The following HIPK3 variants were observed in gnomAD, a reference collection of about 807,000 sequenced individuals.
The protein encoded by HIPK3 is homeodomain-interacting protein kinase 3.
A neutral mutation model predicts 124.2 loss-of-function variants in HIPK3; 47 were observed. The observed-to-expected ratio is 0.38, with a 90% CI of 0.30 to 0.48. The LOEUF (loss-of-function observed/expected upper bound fraction) is 0.48. HIPK3 is among the 20% of genes least tolerant of loss of function. The probability of loss-of-function intolerance (pLI) is 0.98; values close to 1 mark genes in which losing one functional copy is unlikely to be tolerated. For missense variants in HIPK3, 1,286 were observed against 1,454.3 expected (o/e 0.88, Z 1.88); for synonymous variants, 482 against 515.2 (o/e 0.94, Z 0.87).
chr11:33,339,582 CTG>C, intron 6 of HIPK3, 48 bp downstream of exon 6: 1 of 1,331,146 alleles, frequency 7.5e-7, no homozygotes, highest in Non-Finnish European at 1.0e-6. Context: ...AAAAATAAGT[CTG>C]TAGAAAATGA....
At chr11:33,284,100 A>T (rs957597151) in intron 1 of HIPK3, among the ~76,000 whole-genome samples, 1 of 152,190 alleles carries the variant, frequency 6.6e-6, no homozygotes, top group Non-Finnish European at 1.5e-5. Flanking sequence ...TTTAATATCG[A>T]TATTACAGAT....
At chr11:33,290,548 C>A (rs1851671474) in intron 2 of HIPK3, among the ~76,000 whole-genome samples, 2 of 151,370 alleles carry the variant, frequency 1.3e-5, no homozygotes, top group Admixed American at 6.6e-5. Flanking sequence ...TAAATGACTT[C>A]ACTTCATTTG....
intron 8 of HIPK3, among the ~76,000 whole-genome samples, chr11:33,342,102 C>CAA (rs58073130): frequency 0.21 from 11,818 of 55,068 alleles, 1,168 homozygotes; most frequent in East Asian, 0.37. Flanking sequence ...GACTCTGTCT[C>CAA]AAAAAAAAAA....
At chr11:33,276,053 A>G (rs922076907) in intron 1 of HIPK3, among the ~76,000 whole-genome samples, 1 of 152,224 alleles carries the variant, frequency 6.6e-6, no homozygotes, top group African/African-American at 2.4e-5. Context: ...TTTGACAAAT[A>G]TTCAGACCTA....
intron 16 of HIPK3, 29 bp downstream of exon 16, chr11:33,352,294 C>T (rs1165845721): frequency 6.2e-7 from 1 of 1,606,122 alleles, no homozygotes; most frequent in South Asian, 1.1e-5. Context: ...ATGTAGGAGT[C>T]TGTGGGATTC....
In HIPK3 at chr11:33,287,260, G is replaced by A. The variant is rs1478882463; in HGVS notation, c.846G>A (p.Leu282=). The part of the protein sequence containing the change: ...CLVFEMLEQN[L]YDFLKQNKFS... The stretch of plus-strand genomic sequence containing the variant: ...TCTTTGAGATGCTGGAACAAAACTT[G>A]TATGACTTTCTGAAACAAAATAAAT... Residue 282 remains leucine, a synonymous_variant, in exon 2 of 17, where the codon TTG becomes TTA. Coordinates refer to ENST00000303296, the MANE Select transcript of HIPK3 (RefSeq NM_005734.5). 2 of 1,614,084 alleles carry A rather than the reference G, an allele frequency of 1.2e-6. No individual in the cohort carries two copies. The highest frequency in any genetic ancestry group is 1.7e-5 in the Admixed American group (1 of 60,018).
At chr11:33,257,270 G>C, upstream of HIPK3, 1 of 983,576 alleles carries the variant, frequency 1.0e-6, no homozygotes, top group Non-Finnish European at 1.2e-6. Flanking sequence ...GGCCGGAGCG[G>C]AGCGGAGCCG....
chr11:33,343,567 G>T (rs375817694), intron 8 of HIPK3, among the ~76,000 whole-genome samples: 1 of 152,180 alleles, frequency 6.6e-6, no homozygotes, highest in East Asian at 1.9e-4. Context: ...GTCATTAGCC[G>T]CTGCGCCCAG....
At chr11:33,311,922 C>CAT (rs1852357136) in intron 2 of HIPK3, among the ~76,000 whole-genome samples, 1 of 146,636 alleles carries the variant, frequency 6.8e-6, no homozygotes, top group Non-Finnish European at 1.5e-5. Flanking sequence ...CACACACACA[C>CAT]ACACACACAC....
intron 2 of HIPK3, among the ~76,000 whole-genome samples, chr11:33,297,251 G>A (rs930183366): frequency 3.3e-5 from 5 of 152,024 alleles, no homozygotes; most frequent in African/African-American, 9.7e-5. Context: ...ACACCACCAC[G>A]CCTGGCTAAT....
At chr11:33,266,381 A>T (rs1302898061) in intron 1 of HIPK3, among the ~76,000 whole-genome samples, 1 of 152,126 alleles carries the variant, frequency 6.6e-6, no homozygotes, top group Admixed American at 6.6e-5. Context: ...TGTGTTATTC[A>T]CTGCTGTTCT....
At chr11:33,347,589 T>C (rs1307536852) in intron 9 of HIPK3, 40 bp from the exon 10 acceptor site, 1 of 1,601,730 alleles carries the variant, frequency 6.2e-7, no homozygotes, top group Admixed American at 1.7e-5. Context: ...CAATTACTTA[T>C]AACTTGTTAT....
intron 2 of HIPK3, among the ~76,000 whole-genome samples, chr11:33,303,529 T>G (rs183473137): frequency 6.6e-6 from 1 of 152,224 alleles, no homozygotes; most frequent in Non-Finnish European, 1.5e-5. Context: ...CCTTGTGCTA[T>G]ATATGTAGCT....
Position 33,339,418 on chromosome 11 carries a change from TAGTC to T in HIPK3, c.1498_1501del (p.Ser500CysfsTer2). On this transcript the variant is annotated frameshift_variant, in exon 6 of 17. Coordinates refer to ENST00000303296, the MANE Select transcript of HIPK3 (RefSeq NM_005734.5). LOFTEE classifies it high-confidence loss of function. ...AGAAAGCTGATAGAAGAGAATTTGT[TAGTC>T]TGTTGAAGAAAATGTTGCTGATTGA... The T allele has an allele frequency of 6.2e-7, 1 of 1,613,622 alleles. No homozygotes were observed.
rs1347409724 is a variant in HIPK3, at chr11:33,258,189, G to A, written c.-3+300G>A. On this transcript the variant is annotated intron_variant, in intron 1 of 16. Transcript: ENST00000303296. ...GCCTCCGGGAAGCCGCGCCTGGCCG[G>A]GGCCCGGGGGCCTCGGCCCCCCCTC... is the stretch of plus-strand genomic sequence containing the variant. The A allele has an allele frequency of 3.6e-5, 22 of 616,346 alleles. No homozygotes were observed. The African/African-American group carries it at 3.8e-4, about 11-fold the overall frequency. The allele number at this position is 616,346 out of a possible 1,614,324, so 38.2% of individuals were successfully genotyped here. A position where few individuals can be genotyped will look rare whatever the true frequency, so the allele number is the denominator to read the frequency against.
chr11:33,277,294 A>G (rs1341790623), intron 1 of HIPK3, among the ~76,000 whole-genome samples: 2 of 152,142 alleles, frequency 1.3e-5, no homozygotes, highest in African/African-American at 2.4e-5. Flanking sequence ...ATAATAAATG[A>G]TACATGCTCT....
chr11:33,291,026 A>G (rs926398649), intron 2 of HIPK3, among the ~76,000 whole-genome samples: 3 of 152,226 alleles, frequency 2.0e-5, no homozygotes, highest in Non-Finnish European at 2.9e-5. Context: ...AATAGATTTT[A>G]TGTCATTTAG....
intron 3 of HIPK3, among the ~76,000 whole-genome samples, chr11:33,331,525 A>C (rs1852982729): frequency 6.6e-6 from 1 of 151,984 alleles, no homozygotes; most frequent in Non-Finnish European, 1.5e-5. Flanking sequence ...ACAGGTGTGC[A>C]CCAGCATGCC....
chr11:33,318,689 C>T (rs1852577248), intron 2 of HIPK3, among the ~76,000 whole-genome samples: 1 of 152,126 alleles, frequency 6.6e-6, no homozygotes, highest in Admixed American at 6.5e-5. Context: ...GTCTCTTCCC[C>T]TTTTCTTTTG....
Sources: allele counts gnomAD v4.1 joint callset (sites outside exome capture counted in the v4.1 genomes callset), GRCh38; gene constraint gnomAD v4.1.1; transcripts MANE v1.5; gene names NCBI Gene and HGNC (gene_info 2026-07-23, HGNC 2026-07-21).